The following FIP1L1 variants were observed in gnomAD, a reference collection of about 807,000 sequenced individuals.
FIP1L1 encodes the protein pre-mRNA 3'-end-processing factor FIP1.
In FIP1L1, 21 loss-of-function variants were observed where a neutral mutation model predicts 84.6. The ratio of observed to expected loss-of-function variants is 0.25; its 90% CI spans 0.18 to 0.36. The LOEUF is 0.36. Ranked by LOEUF, FIP1L1 falls within the 10% of genes least tolerant of loss-of-function variation. The pLI is 1.00. For missense variants in FIP1L1, 526 were observed against 751.1 expected (o/e 0.70, Z 3.50); for synonymous variants, 263 against 242.3 (o/e 1.09, Z -0.80).
At chr4:53,452,009 G>C (rs1030355190) in intron 15 of FIP1L1, among the ~76,000 whole-genome samples, 2 of 150,960 alleles carry the variant, frequency 1.3e-5, no homozygotes, top group Non-Finnish European at 3.0e-5. Flanking sequence ...TCAGCCTCCC[G>C]AGTAGCTGCG....
chr4:53,411,155 A>T (rs2149707151), intron 10 of FIP1L1, among the ~76,000 whole-genome samples: 1 of 152,288 alleles, frequency 6.6e-6, no homozygotes, highest in Admixed American at 6.5e-5. Context: ...TAAAAAAGGG[A>T]TGAAGGGGAC....
Position 53,391,064 on chromosome 4 carries a change from T to G in FIP1L1, c.561T>G (p.Ala187=), listed in dbSNP as rs770254230. Residue 187 remains alanine (A), a synonymous_variant, in exon 8 of 18, where the codon GCT becomes GCG. Transcript: ENST00000337488. The part of the protein sequence containing the change: ...NYGFNEDTWK[A]YCEKQKRIRM... Reference sequence around the variant, plus strand: ...GGTTTAATGAAGATACCTGGAAAGCTTACTGTGAAAAACAAAAGAGGATAC... The same window carrying G: ...GGTTTAATGAAGATACCTGGAAAGCGTACTGTGAAAAACAAAAGAGGATAC... The G allele has an allele frequency of 5.0e-6, 8 of 1,611,522 alleles. No homozygotes were observed. Among genetic ancestry groups the G allele is most frequent in the Non-Finnish European group, 5.9e-6 (7 of 1,178,762 alleles).
intron 13 of FIP1L1, among the ~76,000 whole-genome samples, chr4:53,441,316 A>G (rs1771829578): frequency 6.6e-6 from 1 of 152,008 alleles, no homozygotes; most frequent in Non-Finnish European, 1.5e-5. Flanking sequence ...TCTAAATTCA[A>G]AATGACTTCA....
At chr4:53,398,743 A>G (rs1258230004) in intron 9 of FIP1L1, among the ~76,000 whole-genome samples, 1 of 152,244 alleles carries the variant, frequency 6.6e-6, no homozygotes, top group Non-Finnish European at 1.5e-5. Context: ...AGTCATTTCA[A>G]CAGACTAGAG....
At position 53,453,143 on chromosome 4, in the gene FIP1L1, G is replaced by T. The variant is rs184903273; in HGVS notation, c.1499+10G>T. On this transcript the variant is annotated intron_variant, in intron 16 of 17. Transcript: ENST00000337488. ...CAAGTGTTTTCAACAGGTTTGTTGGGTGTGCAGGAGTTTATACTATGTATT... is the reference window on the plus strand; with the variant it reads ...CAAGTGTTTTCAACAGGTTTGTTGGTTGTGCAGGAGTTTATACTATGTATT... The T allele has an allele frequency of 6.2e-6, 10 of 1,613,878 alleles. No individual in the cohort carries two copies. The highest frequency in any genetic ancestry group is 8.5e-7 in the Non-Finnish European group (1 of 1,179,870).
At chr4:53,391,774 G>A (rs1744366114) in intron 9 of FIP1L1, among the ~76,000 whole-genome samples, 1 of 152,172 alleles carries the variant, frequency 6.6e-6, no homozygotes, top group Admixed American at 6.5e-5. Context: ...TTGTAGGATA[G>A]AAAAGTTAGT....
At chr4:53,453,952 A>G (rs535867819) in intron 16 of FIP1L1, among the ~76,000 whole-genome samples, 1 of 152,326 alleles carries the variant, frequency 6.6e-6, no homozygotes, top group Non-Finnish European at 1.5e-5. Flanking sequence ...TCAAATTTTT[A>G]CTTCTGTACC....
intron 15 of FIP1L1, among the ~76,000 whole-genome samples, chr4:53,449,854 T>C (rs1775696606): frequency 6.6e-6 from 1 of 152,178 alleles, no homozygotes; most frequent in Non-Finnish European, 1.5e-5. Flanking sequence ...AGTTAATCCA[T>C]TTCGGCTAAG....
At chr4:53,404,151 C>A in intron 10 of FIP1L1, among the ~76,000 whole-genome samples, 1 of 93,686 alleles carries the variant, frequency 1.1e-5, no homozygotes, top group South Asian at 4.7e-4. Flanking sequence ...CTAATGCTAT[C>A]CCTCCCCCCT....
chr4:53,402,033 C>T (rs1240858148), intron 10 of FIP1L1, among the ~76,000 whole-genome samples: 2 of 151,936 alleles, frequency 1.3e-5, no homozygotes, highest in Non-Finnish European at 2.9e-5. Flanking sequence ...AAGAGGAGAC[C>T]ATTAATAAGG....
intron 15 of FIP1L1, among the ~76,000 whole-genome samples, chr4:53,445,073 G>C (rs1773614047): frequency 6.6e-6 from 1 of 152,126 alleles, no homozygotes; most frequent in African/African-American, 2.4e-5. Context: ...GAGGGAACAT[G>C]GTAGGTATTA....
At chr4:53,393,677 C>T (rs1160650222) in intron 9 of FIP1L1, among the ~76,000 whole-genome samples, 1 of 149,478 alleles carries the variant, frequency 6.7e-6, no homozygotes, top group Non-Finnish European at 1.5e-5. Flanking sequence ...GAATAGATAA[C>T]ATGTATGTAT....
chr4:53,410,318 T>C (rs1484858539), intron 10 of FIP1L1, among the ~76,000 whole-genome samples: 1 of 152,246 alleles, frequency 6.6e-6, no homozygotes, highest in African/African-American at 2.4e-5. Flanking sequence ...GCCTAACAAC[T>C]GTAGAATGGT....
In FIP1L1 at chr4:53,459,721, T is replaced by TA. The variant is rs1034523381; in HGVS notation, c.*272_*273insA. ...ACTTAACAGGGAATCTAAAGAGCTG[T>TA]GTTAGCTGTGTACATACACAGATTA... On this transcript the variant is annotated 3_prime_UTR_variant, in exon 18 of 18. Transcript: ENST00000337488. The TA allele has an allele frequency of 2.8e-5, 13 of 472,458 alleles. No individual in the cohort carries two copies. Among genetic ancestry groups the TA allele is most frequent in the African/African-American group, 2.5e-4 (13 of 51,174 alleles). 29.3% of individuals were successfully genotyped at this position (472,458 alleles called of 1,614,324 possible).
At chr4:53,392,452 C>A (rs996554961) in intron 9 of FIP1L1, among the ~76,000 whole-genome samples, 11 of 152,182 alleles carry the variant, frequency 7.2e-5, no homozygotes, top group Non-Finnish European at 1.0e-4. Context: ...TCCTACTTTG[C>A]GTAAGTATTT....
intron 15 of FIP1L1, among the ~76,000 whole-genome samples, chr4:53,445,381 C>CA (rs1773753464): frequency 6.6e-6 from 1 of 152,138 alleles, no homozygotes; most frequent in African/African-American, 2.4e-5. Flanking sequence ...TCTCCCTACT[C>CA]TTCCTAGTTC....
chr4:53,436,558 G>A (rs1453446566), intron 13 of FIP1L1, among the ~76,000 whole-genome samples: 1 of 152,022 alleles, frequency 6.6e-6, no homozygotes, highest in African/African-American at 2.4e-5. Flanking sequence ...TTTGTGTGTG[G>A]TAGAAATAAG....
Position 53,452,994 on chromosome 4 carries a change from TA to T in FIP1L1, c.1361del (p.Tyr454LeufsTer168). ...LVDTSKQWDYYARREKDRDRE... is the reference protein window; with the variant it reads ...LVDTSKQWDYXARREKDRDRE... ...GGACACCAGCAAGCAGTGGGACTAT[TA>T]TGCCAGAAGAGAGAAAGACCGAGAT... On this transcript the variant is annotated frameshift_variant, in exon 16 of 18. Coordinates refer to ENST00000337488, the MANE Select transcript of FIP1L1 (RefSeq NM_030917.4). LOFTEE classifies it high-confidence loss of function. 6.2e-7 allele frequency: 1 copy of T among 1,613,680 alleles called. No individual in the cohort carries two copies. The highest frequency in any genetic ancestry group is 8.5e-7 in the Non-Finnish European group (1 of 1,179,922).
At chr4:53,384,520 GTT>G in intron 5 of FIP1L1, among the ~76,000 whole-genome samples, 1 of 152,242 alleles carries the variant, frequency 6.6e-6, no homozygotes, top group African/African-American at 2.4e-5. Context: ...CCAGACCTGA[GTT>G]TAGGTTTTTA....
Sources: gnomAD v4.1 joint callset for allele counts (sites outside exome capture counted in the v4.1 genomes callset) on GRCh38, gnomAD v4.1.1 for gene constraint, MANE v1.5 for transcripts, NCBI Gene and HGNC (gene_info 2026-07-23, HGNC 2026-07-21) for gene names.